The following CSMD1 variants were observed in gnomAD, a reference collection of about 807,000 sequenced individuals.
CSMD1 encodes CUB and Sushi multiple domains 1.
Under a neutral mutation model 417.5 loss-of-function variants are expected in CSMD1, and 213 were observed. The ratio of observed to expected loss-of-function variants is 0.51; its 90% CI spans 0.46 to 0.57. The LOEUF (loss-of-function observed/expected upper bound fraction) is 0.57, where lower values mean the gene tolerates loss of function less well. Ranked by LOEUF, CSMD1 falls within the 20% of genes least tolerant of loss-of-function variation. The pLI is 0.00. For synonymous variants in CSMD1, 2,862 were observed against 1,736.8 expected, an observed-to-expected ratio of 1.65 and a Z score of -16.11; for missense variants, 6,923 against 4,529.7, an observed-to-expected ratio of 1.53 and a Z score of -15.17.
chr8:3,691,361 T>C (rs1800232474), intron 7 of CSMD1, among the ~76,000 whole-genome samples: 1 of 150,104 alleles, frequency 6.7e-6, no homozygotes, highest in South Asian at 2.1e-4. Context: ...AGCAAGACTC[T>C]GTCTCAAAAA....
intron 52 of CSMD1, among the ~76,000 whole-genome samples, chr8:3,009,264 G>T (rs1363866386): frequency 6.6e-6 from 1 of 152,166 alleles, no homozygotes; most frequent in Admixed American, 6.5e-5. Flanking sequence ...ATTGGTCCGG[G>T]GATTAGAACG....
At chr8:3,946,374 G>C (rs897285678) in intron 5 of CSMD1, among the ~76,000 whole-genome samples, 1 of 152,092 alleles carries the variant, frequency 6.6e-6, no homozygotes, top group Non-Finnish European at 1.5e-5. Context: ...GTGCTGGCCT[G>C]TCTCTGGATT....
intron 50 of CSMD1, among the ~76,000 whole-genome samples, chr8:3,030,181 G>A (rs187005737): frequency 6.6e-6 from 1 of 152,142 alleles, no homozygotes; most frequent in East Asian, 1.9e-4. Context: ...AGCAGTAGTA[G>A]TATACTATTA....
At chr8:4,860,459 C>A (rs1366716413) in intron 1 of CSMD1, among the ~76,000 whole-genome samples, 1 of 152,068 alleles carries the variant, frequency 6.6e-6, no homozygotes, top group East Asian at 1.9e-4. Flanking sequence ...CTTGGCCCTG[C>A]TCTCGCCATG....
intron 7 of CSMD1, among the ~76,000 whole-genome samples, chr8:3,660,470 G>T (rs1397683359): frequency 8.2e-6 from 1 of 122,466 alleles, no homozygotes; most frequent in African/African-American, 3.0e-5. Flanking sequence ...CTAGGGCTCA[G>T]ATCAAGTGGC....
chr8:3,433,121 T>G (rs1001755135), intron 12 of CSMD1, among the ~76,000 whole-genome samples: 2 of 152,230 alleles, frequency 1.3e-5, no homozygotes, highest in East Asian at 3.9e-4. Context: ...ATTGGAAGGT[T>G]AGAAAGTTGC....
intron 5 of CSMD1, among the ~76,000 whole-genome samples, chr8:3,983,377 T>A (rs2688393): frequency 3.3e-5 from 5 of 151,752 alleles, no homozygotes; most frequent in Non-Finnish European, 7.4e-5. Flanking sequence ...TGATCCCTCT[T>A]TCTTGCCCTC....
Position 4,090,904 on chromosome 8 carries a change from G to A in CSMD1, c.416-58805C>T, listed in dbSNP as rs1381117058. 2.6e-5 allele frequency among the ~76,000 whole-genome samples: 4 copies of A among 151,264 alleles called. No homozygotes were observed. In the East Asian group the frequency reaches 5.8e-4, roughly 22 times the overall value. On this transcript the variant is annotated intron_variant, in intron 3 of 69. Transcript: ENST00000635120. The stretch of plus-strand genomic sequence containing the variant: ...CTGTCTACATTATTAGTAACATAAG[G>A]GGCAGTCTTTTTTTTTTTTTCTTTT...
intron 3 of CSMD1, among the ~76,000 whole-genome samples, chr8:4,119,317 C>G (rs999746977): frequency 1.3e-5 from 2 of 152,106 alleles, no homozygotes; most frequent in Non-Finnish European, 2.9e-5. Context: ...AGGCAAATTA[C>G]TAATCAAAGT....
At chr8:3,730,716 G>T (rs1172022927) in intron 6 of CSMD1, among the ~76,000 whole-genome samples, 1 of 152,156 alleles carries the variant, frequency 6.6e-6, no homozygotes, top group Non-Finnish European at 1.5e-5. Context: ...CCATTAAACA[G>T]ACCTAGAAAC....
chr8:4,791,946 T>A (rs937060651), intron 1 of CSMD1, among the ~76,000 whole-genome samples: 3 of 106,540 alleles, frequency 2.8e-5, no homozygotes, highest in African/African-American at 1.3e-4. Flanking sequence ...TTAGTTTTCC[T>A]TTTTTTTTAA....
At chr8:4,635,427 A>G (rs184420206) in intron 2 of CSMD1, among the ~76,000 whole-genome samples, 339 of 152,286 alleles carry the variant, frequency 2.2e-3, no homozygotes, top group African/African-American at 7.9e-3. Context: ...ACCATAAGAG[A>G]TAATACATTA....
At chr8:4,055,457 T>A (rs1443837618) in intron 3 of CSMD1, among the ~76,000 whole-genome samples, 1 of 151,474 alleles carries the variant, frequency 6.6e-6, no homozygotes, top group African/African-American at 2.4e-5. Flanking sequence ...AAGAGAAAAA[T>A]TTAATAAATT....
chr8:4,290,632 T>A (rs1239116682), intron 3 of CSMD1, among the ~76,000 whole-genome samples: 1 of 152,222 alleles, frequency 6.6e-6, no homozygotes, highest in African/African-American at 2.4e-5. Context: ...TAGGAAAGAT[T>A]CCTTGTGAGA....
intron 23 of CSMD1, among the ~76,000 whole-genome samples, chr8:3,339,133 A>G (rs143418122): frequency 0.024 from 3,708 of 151,564 alleles, 77 homozygotes; most frequent in East Asian, 0.084. Context: ...ATGATTTCCA[A>G]TTTCATCCAT....
intron 23 of CSMD1, among the ~76,000 whole-genome samples, chr8:3,324,570 T>C (rs1231945019): frequency 9.7e-6 from 1 of 103,110 alleles, no homozygotes; most frequent in Non-Finnish European, 1.9e-5. Flanking sequence ...TAGACACACA[T>C]CTAACCCCCA....
At chr8:3,863,289 C>G (rs1804844390) in intron 5 of CSMD1, among the ~76,000 whole-genome samples, 2 of 150,878 alleles carry the variant, frequency 1.3e-5, no homozygotes, top group African/African-American at 4.9e-5. Flanking sequence ...CTCAGCTACT[C>G]AGGAGGCTGA....
At chr8:3,352,269 G>A (rs1402396805) in intron 21 of CSMD1, among the ~76,000 whole-genome samples, 1 of 152,092 alleles carries the variant, frequency 6.6e-6, no homozygotes, top group East Asian at 1.9e-4. Flanking sequence ...TATGGGAGAT[G>A]GGATTGCAAA....
At chr8:3,767,318 G>C (rs752656780) in intron 5 of CSMD1, among the ~76,000 whole-genome samples, 3 of 152,224 alleles carry the variant, frequency 2.0e-5, no homozygotes, top group Admixed American at 6.5e-5. Flanking sequence ...TACGAACACG[G>C]ACAGTGGAGT....
Sources: gnomAD v4.1 joint callset for allele counts (sites outside exome capture counted in the v4.1 genomes callset) on GRCh38, gnomAD v4.1.1 for gene constraint, MANE v1.5 for transcripts, NCBI Gene and HGNC (gene_info 2026-07-23, HGNC 2026-07-21) for gene names.